Variants in RPS6KC1 observed in about 807,000 individuals in gnomAD.
RPS6KC1 encodes ribosomal protein S6 kinase C1.
RPS6KC1 carries 54 observed loss-of-function variants against 103.8 expected under a neutral mutation model. The observed-to-expected ratio is 0.52, with a 90% CI of 0.42 to 0.65. The LOEUF (loss-of-function observed/expected upper bound fraction) is 0.65, where lower values mean the gene tolerates loss of function less well. RPS6KC1 is among the 30% of genes least tolerant of loss of function. The pLI, the probability that RPS6KC1 is intolerant of heterozygous loss-of-function variation, is 0.00. For missense variants in RPS6KC1, 1,151 were observed against 1,253.8 expected, an observed-to-expected ratio of 0.92 and a Z score of 1.24; for synonymous variants, 439 against 438.7, an observed-to-expected ratio of 1.00 and a Z score of -0.01.
intron 3 of RPS6KC1, among the ~76,000 whole-genome samples, chr1:213,088,206 G>A (rs2080605493): frequency 6.6e-6 from 1 of 152,076 alleles, no homozygotes; most frequent in African/African-American, 2.4e-5. Flanking sequence ...TCCATCCAAT[G>A]GCTGCAACCC....
At chr1:213,379,576 A>C in the RPS6KC1 span, among the ~76,000 whole-genome samples, 1 of 152,206 alleles carries the variant, frequency 6.6e-6, no homozygotes, top group Non-Finnish European at 1.5e-5. Context: ...TGAGATAATA[A>C]GTATCTGTTG....
intron 6 of RPS6KC1, among the ~76,000 whole-genome samples, chr1:213,163,131 A>C (rs868177545): frequency 2.2e-4 from 33 of 152,360 alleles, no homozygotes; most frequent in African/African-American, 7.5e-4. Flanking sequence ...CTTAAAAAAA[A>C]CTAACTGTAA....
chr1:213,730,399 G>C, the RPS6KC1 span, among the ~76,000 whole-genome samples: 1 of 152,124 alleles, frequency 6.6e-6, no homozygotes, highest in Non-Finnish European at 1.5e-5. Flanking sequence ...GCAGTGTATA[G>C]ATGTTCCTTT....
the RPS6KC1 span, among the ~76,000 whole-genome samples, chr1:213,781,890 A>G: frequency 5.9e-5 from 9 of 152,184 alleles, no homozygotes; most frequent in African/African-American, 9.6e-5. Flanking sequence ...GATTCAGAAC[A>G]TTGGCAAATG....
chr1:213,545,433 AAG>A, the RPS6KC1 span, among the ~76,000 whole-genome samples: 5 of 52,948 alleles, frequency 9.4e-5, no homozygotes, highest in Non-Finnish European at 1.9e-4. Flanking sequence ...AATAAAATAA[AAG>A]AGAGAGAGAG....
intron 4 of RPS6KC1, among the ~76,000 whole-genome samples, chr1:213,116,991 T>G (rs2083723465): frequency 6.6e-6 from 1 of 152,180 alleles, no homozygotes; most frequent in Non-Finnish European, 1.5e-5. Flanking sequence ...TAACATTTTT[T>G]GAATTTTAAA....
chr1:213,646,897 A>ATTTTTTTT, the RPS6KC1 span, among the ~76,000 whole-genome samples: 1 of 150,436 alleles, frequency 6.6e-6, no homozygotes, highest in African/African-American at 2.5e-5. Flanking sequence ...ATATATATAT[A>ATTTTTTTT]TTTTTGTTTG....
the RPS6KC1 span, among the ~76,000 whole-genome samples, chr1:213,353,647 A>G: frequency 1.3e-5 from 2 of 152,188 alleles, no homozygotes; most frequent in African/African-American, 4.8e-5. Flanking sequence ...TCTACCCAGG[A>G]GGTTGCCTTT....
At chr1:213,115,546 T>C (rs1211251076) in intron 4 of RPS6KC1, among the ~76,000 whole-genome samples, 1 of 152,228 alleles carries the variant, frequency 6.6e-6, no homozygotes, top group Non-Finnish European at 1.5e-5. Flanking sequence ...TTTGTATCTC[T>C]ATTTCCTTCA....
At chr1:213,228,827 C>A (rs1184747119) in intron 8 of RPS6KC1, among the ~76,000 whole-genome samples, 4 of 152,038 alleles carry the variant, frequency 2.6e-5, no homozygotes, top group Non-Finnish European at 5.9e-5. Context: ...ATAGTAAATG[C>A]TTAAAACATG....
the RPS6KC1 span, among the ~76,000 whole-genome samples, chr1:213,767,030 C>T: frequency 2.6e-5 from 4 of 152,164 alleles, no homozygotes; most frequent in African/African-American, 9.7e-5. Context: ...TGTAAATGCT[C>T]CCAATTCTCT....
chr1:213,508,296 A>G, the RPS6KC1 span, among the ~76,000 whole-genome samples: 1 of 152,220 alleles, frequency 6.6e-6, no homozygotes, highest in Admixed American at 6.5e-5. Context: ...ATTTCTCTGC[A>G]TTATTTGGGG....
the RPS6KC1 span, among the ~76,000 whole-genome samples, chr1:213,472,995 G>C: frequency 6.6e-6 from 1 of 152,178 alleles, no homozygotes; most frequent in East Asian, 1.9e-4. Flanking sequence ...CTGGTGCTTT[G>C]GGGACACCTA....
the RPS6KC1 span, among the ~76,000 whole-genome samples, chr1:213,858,427 G>T: frequency 6.6e-6 from 1 of 151,864 alleles, no homozygotes; most frequent in Admixed American, 6.6e-5. Flanking sequence ...TCACATGTTG[G>T]GGGGGCGGTG....
At chr1:213,406,209 GTC>G in the RPS6KC1 span, among the ~76,000 whole-genome samples, 1 of 152,220 alleles carries the variant, frequency 6.6e-6, no homozygotes, top group Non-Finnish European at 1.5e-5. Context: ...ATGTTTAGGA[GTC>G]TGGTGAGCAG....
the RPS6KC1 span, among the ~76,000 whole-genome samples, chr1:213,702,718 A>G: frequency 6.6e-6 from 1 of 152,082 alleles, no homozygotes; most frequent in East Asian, 1.9e-4. Flanking sequence ...TTTTTCTAAT[A>G]TAAGTACAGC....
the RPS6KC1 span, among the ~76,000 whole-genome samples, chr1:213,854,510 CTCTTTCTTTCTT>C: frequency 2.6e-3 from 316 of 121,010 alleles, 4 homozygotes; most frequent in Middle Eastern, 8.7e-3. Context: ...CTCTTTCTTT[CTCTTTCTTTCTT>C]TCTTTCTTTC....
chr1:213,164,065 G>A (rs2148121526), intron 6 of RPS6KC1, among the ~76,000 whole-genome samples: 1 of 152,338 alleles, frequency 6.6e-6, no homozygotes, highest in Admixed American at 6.5e-5. Context: ...GTACCCTGAA[G>A]TATGGTGTAA....
At chr1:213,759,754 G>A in the RPS6KC1 span, among the ~76,000 whole-genome samples, 2 of 152,226 alleles carry the variant, frequency 1.3e-5, no homozygotes, top group African/African-American at 2.4e-5. Flanking sequence ...TGGTCCTTAG[G>A]ACCCAGGGAT....
Sources: gnomAD v4.1 joint callset for allele counts (sites outside exome capture counted in the v4.1 genomes callset) on GRCh38, gnomAD v4.1.1 for gene constraint, MANE v1.5 for transcripts, NCBI Gene and HGNC (gene_info 2026-07-23, HGNC 2026-07-21) for gene names.